ALCAM: variants seen among roughly 807,000 people sequenced by gnomAD.
The protein encoded by ALCAM is activated leukocyte cell adhesion molecule.
ALCAM carries 30 observed loss-of-function variants against 70.9 expected under a neutral mutation model. The observed-to-expected ratio is 0.42, with a 90% CI of 0.32 to 0.57. The LOEUF (loss-of-function observed/expected upper bound fraction) is 0.57. Ranked by LOEUF, ALCAM falls within the 20% of genes least tolerant of loss-of-function variation. The pLI, the probability that ALCAM is intolerant of heterozygous loss-of-function variation, is 0.11. For synonymous variants in ALCAM, 249 were observed against 242.5 expected (o/e 1.03, Z -0.25); for missense variants, 591 against 695.1 (o/e 0.85, Z 1.68).
chr3:105,453,884 G>A (rs1002862240), intron 1 of ALCAM, among the ~76,000 whole-genome samples: 3 of 152,144 alleles, frequency 2.0e-5, no homozygotes, highest in Non-Finnish European at 4.4e-5. Context: ...TCTCTTGTTG[G>A]TGTAAATGAA....
chr3:105,369,951 G>A (rs1013315139), intron 1 of ALCAM, among the ~76,000 whole-genome samples: 2 of 151,978 alleles, frequency 1.3e-5, no homozygotes, highest in African/African-American at 4.8e-5. Flanking sequence ...TAGAAAGAGC[G>A]TCAGCCTGTG....
At chr3:105,504,137 C>T (rs1938998345) in intron 1 of ALCAM, among the ~76,000 whole-genome samples, 1 of 152,144 alleles carries the variant, frequency 6.6e-6, no homozygotes, top group Non-Finnish European at 1.5e-5. Flanking sequence ...TCCCTTGTCC[C>T]CCTCACAGGG....
At chr3:105,535,697 C>T (rs181981253) in intron 6 of ALCAM, among the ~76,000 whole-genome samples, 6 of 151,828 alleles carry the variant, frequency 4.0e-5, no homozygotes, top group Non-Finnish European at 8.8e-5. Flanking sequence ...TGGTCATTAT[C>T]ACAATATAAA....
intron 1 of ALCAM, among the ~76,000 whole-genome samples, chr3:105,436,318 CA>C (rs1415534867): frequency 6.6e-6 from 1 of 152,046 alleles, no homozygotes. Flanking sequence ...TCAACAACTT[CA>C]GTGTAAACAG....
At chr3:105,563,203 GCA>G (rs765341420) in intron 14 of ALCAM, among the ~76,000 whole-genome samples, 61 of 138,998 alleles carry the variant, frequency 4.4e-4, no homozygotes, top group African/African-American at 9.4e-4. Flanking sequence ...TGACATTTTT[GCA>G]AAAAAAAAAA....
At chr3:105,431,352 G>T (rs974737633) in intron 1 of ALCAM, among the ~76,000 whole-genome samples, 1 of 152,074 alleles carries the variant, frequency 6.6e-6, no homozygotes, top group Non-Finnish European at 1.5e-5. Context: ...GTGGTCACAG[G>T]GGGAGTCATC....
In ALCAM at chr3:105,500,672, GTCACAAGAGTCATT is replaced by G. The variant is rs1486830112; in HGVS notation, c.74-19392_74-19379del. ...TCATAAAAACAATATTGGATTAAGA[GTCACAAGAGTCATT>G]TCCTTAACTTGGTTCTATCTTCAAC... On this transcript the variant is annotated intron_variant, in intron 1 of 15. Transcript: ENST00000306107. Among the ~76,000 whole-genome samples, 21 of 152,222 alleles carry G rather than the reference GTCACAAGAGTCATT, an allele frequency of 1.4e-4. No homozygotes were observed. In the East Asian group the frequency reaches 3.1e-3, roughly 22 times the overall value.
At chr3:105,534,941 A>T in intron 6 of ALCAM, 96 bp downstream of exon 6, 2 of 1,237,092 alleles carry the variant, frequency 1.6e-6, no homozygotes, top group Non-Finnish European at 2.2e-6. Context: ...TACTCTTTGA[A>T]TTCTGCTTCC....
At chr3:105,528,133 T>TTA (rs1939752507) in intron 3 of ALCAM, among the ~76,000 whole-genome samples, 2 of 150,464 alleles carry the variant, frequency 1.3e-5, no homozygotes. Flanking sequence ...TCTCCTCTCT[T>TTA]ATTAAATTGA....
At chr3:105,394,169 A>T (rs1414002927) in intron 1 of ALCAM, among the ~76,000 whole-genome samples, 1 of 151,976 alleles carries the variant, frequency 6.6e-6, no homozygotes, top group African/African-American at 2.4e-5. Context: ...TTAAAATTTT[A>T]TTCTTAGACA....
intron 1 of ALCAM, among the ~76,000 whole-genome samples, chr3:105,500,443 A>G (rs1402559134): frequency 6.6e-6 from 1 of 152,096 alleles, no homozygotes; most frequent in Non-Finnish European, 1.5e-5. Flanking sequence ...TTTCCTTTCC[A>G]ACTTCAGCAA....
intron 1 of ALCAM, among the ~76,000 whole-genome samples, chr3:105,519,783 G>T (rs1007325619): frequency 6.6e-6 from 1 of 152,016 alleles, no homozygotes; most frequent in African/African-American, 2.4e-5. Context: ...TGTTCCTTTG[G>T]AATACACCAC....
intron 1 of ALCAM, among the ~76,000 whole-genome samples, chr3:105,407,751 A>G (rs1936279915): frequency 6.6e-6 from 1 of 152,164 alleles, no homozygotes; most frequent in South Asian, 2.1e-4. Flanking sequence ...AATAAAGGGC[A>G]TCCGAAGAGG....
At chr3:105,492,124 C>T (rs978222508) in intron 1 of ALCAM, among the ~76,000 whole-genome samples, 2 of 152,128 alleles carry the variant, frequency 1.3e-5, no homozygotes, top group Non-Finnish European at 2.9e-5. Flanking sequence ...TGTCCTTCTT[C>T]ACATGGTGGC....
chr3:105,435,392 A>T (rs1017016409), intron 1 of ALCAM, among the ~76,000 whole-genome samples: 1 of 152,240 alleles, frequency 6.6e-6, no homozygotes, highest in Non-Finnish European at 1.5e-5. Context: ...AAAGGAGGAC[A>T]CAAACCCTGC....
At chr3:105,503,089 C>T (rs758352877) in intron 1 of ALCAM, among the ~76,000 whole-genome samples, 2 of 152,162 alleles carry the variant, frequency 1.3e-5, no homozygotes, top group African/African-American at 4.8e-5. Context: ...TTGGGTTTTT[C>T]TCTTTCTGTA....
At chr3:105,373,716 A>G (rs368441760) in intron 1 of ALCAM, among the ~76,000 whole-genome samples, 2 of 152,218 alleles carry the variant, frequency 1.3e-5, no homozygotes, top group Non-Finnish European at 2.9e-5. Context: ...TTGAATACCA[A>G]ATATCATCTT....
At chr3:105,552,249 T>A (rs1940428713) in intron 13 of ALCAM, 67 bp downstream of exon 13, 14 of 1,474,380 alleles carry the variant, frequency 9.5e-6, no homozygotes, top group Non-Finnish European at 1.3e-5. Flanking sequence ...TGTCATGGTA[T>A]AAGTAATTTT....
intron 6 of ALCAM, among the ~76,000 whole-genome samples, chr3:105,538,921 G>GT (rs1355315942): frequency 2.0e-5 from 3 of 152,028 alleles, no homozygotes; most frequent in Non-Finnish European, 2.9e-5. Flanking sequence ...AAACTTCTAA[G>GT]TTTTTTTATC....
Sources: gnomAD v4.1 joint callset for allele counts (sites outside exome capture counted in the v4.1 genomes callset) on GRCh38, gnomAD v4.1.1 for gene constraint, MANE v1.5 for transcripts, NCBI Gene and HGNC (gene_info 2026-07-23, HGNC 2026-07-21) for gene names.